TSPEAR: variants seen among roughly 807,000 people sequenced by gnomAD.
The protein encoded by TSPEAR is thrombospondin-type laminin G domain and EAR repeat-containing protein.
Under a neutral mutation model 71.6 loss-of-function variants are expected in TSPEAR, and 69 were observed. The ratio of observed to expected loss-of-function variants is 0.96; its 90% CI spans 0.79 to 1.18. The LOEUF (loss-of-function observed/expected upper bound fraction) is 1.18, where lower values mean the gene tolerates loss of function less well. TSPEAR is among the 50% of genes most tolerant of loss of function. TSPEAR has a pLI of 0.00. For missense variants in TSPEAR, 971 were observed against 894.9 expected (o/e 1.09, Z -1.09); for synonymous variants, 402 against 387.2 (o/e 1.04, Z -0.45).
chr21:44,549,374 GTAA>G (rs2053360230), intron 2 of TSPEAR, among the ~76,000 whole-genome samples: 1 of 152,232 alleles, frequency 6.6e-6, no homozygotes, highest in Non-Finnish European at 1.5e-5. Flanking sequence ...GGTATCGTTT[GTAA>G]TAATGAACAA....
At chr21:44,552,958 C>T (rs1601407288) in intron 2 of TSPEAR, among the ~76,000 whole-genome samples, 1 of 152,184 alleles carries the variant, frequency 6.6e-6, no homozygotes, top group South Asian at 2.1e-4. Context: ...GGGTGAGAGC[C>T]GAAGGGAAGC....
At chr21:44,688,630 A>G (rs968590888) in intron 1 of TSPEAR, among the ~76,000 whole-genome samples, 1 of 151,592 alleles carries the variant, frequency 6.6e-6, no homozygotes, top group Non-Finnish European at 1.5e-5. Flanking sequence ...TGAGGCATGA[A>G]CCCGGGAGGT....
At chr21:44,523,083 C>T (rs587772661) in intron 8 of TSPEAR, among the ~76,000 whole-genome samples, 22 of 142,328 alleles carry the variant, frequency 1.5e-4, no homozygotes, top group Middle Eastern at 3.5e-3. Context: ...GTTAGTCAGT[C>T]AGTCAGCCAG....
Position 44,593,966 on chromosome 21 carries a change from C to T in TSPEAR, c.83-25961G>A, listed in dbSNP as rs942326775. Among the ~76,000 whole-genome samples the T allele has an allele frequency of 9.8e-5, 15 of 152,340 alleles. No individual in the cohort carries two copies. The highest frequency in any genetic ancestry group is 1.5e-4 in the Non-Finnish European group (10 of 68,034). ...CTCCTCCTGATAAGGGACCCCCAAC[C>T]ATGGACTGGCTCCAGCCGGTTTACA... On this transcript the variant is annotated intron_variant, in intron 1 of 11. Transcript: ENST00000323084. This position sits in a 1 kb window ranked among gnomAD's most constrained non-coding sequence, Gnocchi z 5.9.
rs1981707702 is a variant in TSPEAR, at chr21:44,612,016, G to A, written c.83-44011C>T. On this transcript the variant is annotated intron_variant, in intron 1 of 11. Coordinates refer to ENST00000323084, the MANE Select transcript of TSPEAR (RefSeq NM_144991.3). The surrounding 1 kb of genome is among the most constrained non-coding windows in gnomAD (Gnocchi z 4.1). ...GAGACTCCTGTGAGGAAAATACCCA[G>A]GGAGGGTATAAAACCTCAGCAGCCA... 11 of 1,364,428 alleles carry A rather than the reference G, an allele frequency of 8.1e-6. No homozygotes were observed. The Admixed American group carries it at 1.9e-4, about 23-fold the overall frequency. 84.5% of individuals were successfully genotyped at this position (1,364,428 alleles called of 1,614,324 possible). A position where few individuals can be genotyped will look rare whatever the true frequency, so the allele number is the denominator to read the frequency against.
chr21:44,673,542 C>A (rs1986157599), intron 1 of TSPEAR, among the ~76,000 whole-genome samples: 1 of 152,168 alleles, frequency 6.6e-6, no homozygotes, highest in South Asian at 2.1e-4. Flanking sequence ...CACCATTAGA[C>A]ATATCATCCA....
chr21:44,528,694 G>T, intron 5 of TSPEAR, 111 bp from the exon 6 acceptor site: 2 of 1,374,576 alleles, frequency 1.5e-6, no homozygotes, highest in Non-Finnish European at 2.0e-6. Flanking sequence ...TCTGCATGCG[G>T]GCCTGGAAGG....
At chr21:44,621,231 G>T (rs1407540071) in intron 1 of TSPEAR, among the ~76,000 whole-genome samples, 3 of 152,092 alleles carry the variant, frequency 2.0e-5, no homozygotes, top group African/African-American at 4.8e-5. Flanking sequence ...ATTTAGTTCT[G>T]TTATTTTATA....
chr21:44,692,222 A>G (rs1334717602), intron 1 of TSPEAR, among the ~76,000 whole-genome samples: 2 of 152,240 alleles, frequency 1.3e-5, no homozygotes, highest in Admixed American at 6.5e-5. Flanking sequence ...GCTAAACAGC[A>G]TGTATGAAAA....
At chr21:44,514,417 G>A (rs1555913097) in intron 9 of TSPEAR, among the ~76,000 whole-genome samples, 1 of 152,188 alleles carries the variant, frequency 6.6e-6, no homozygotes, top group East Asian at 1.9e-4. Flanking sequence ...GCCATGGGCG[G>A]GACCCTTGGG....
intron 1 of TSPEAR, chr21:44,592,203 G>C (rs1555926844): frequency 1.2e-6 from 2 of 1,604,648 alleles, no homozygotes; most frequent in South Asian, 2.2e-5. Context: ...CCAGCTGGCA[G>C]CTAGACTGCT....
chr21:44,570,869 C>T (rs1360813087), intron 1 of TSPEAR, among the ~76,000 whole-genome samples: 1 of 152,142 alleles, frequency 6.6e-6, no homozygotes, highest in Non-Finnish European at 1.5e-5. Flanking sequence ...TAAACAACAC[C>T]ACGTGTTGTT....
intron 5 of TSPEAR, among the ~76,000 whole-genome samples, chr21:44,528,877 G>A (rs139242130): frequency 6.6e-6 from 1 of 152,386 alleles, no homozygotes; most frequent in East Asian, 1.9e-4. Context: ...CTGCTCCTCT[G>A]AGAGTCCTCA....
rs1293203293 is a variant in TSPEAR, at chr21:44,589,334, G to A, written c.83-21329C>T. ...CACATTTTGCTTGTGTGGATGGGCT[G>A]TGTTTTGCTTTGTCCTCTGATGGAC... is the stretch of plus-strand genomic sequence containing the variant. On this transcript the variant is annotated intron_variant, in intron 1 of 11. Transcript: ENST00000323084. Among the ~76,000 whole-genome samples, 47 of 152,174 alleles carry A rather than the reference G, an allele frequency of 3.1e-4. 1 individual carries two copies. Among genetic ancestry groups the A allele is most frequent in the Non-Finnish European group, 1.5e-5 (1 of 68,038 alleles).
intron 1 of TSPEAR, chr21:44,600,994 T>C (rs1471134276): frequency 6.2e-7 from 1 of 1,612,176 alleles, no homozygotes; most frequent in Non-Finnish European, 8.5e-7. Context: ...GCCTGTGTAC[T>C]GTGTGCCTGT....
At chr21:44,677,821 C>A in intron 1 of TSPEAR, 1 of 1,293,048 alleles carries the variant, frequency 7.7e-7, no homozygotes, top group South Asian at 1.2e-5. Context: ...GAACCAAGAA[C>A]CACCTCGAAG....
rs201136864 is a variant in TSPEAR at position 44,591,902 on chromosome 21, G to C, written c.83-23897C>G. ...GAGCTGGTGCAGCCTGATTGGCAGGGGCTGGGCTCACAGACCGCCTGGCAG... is the reference window on the plus strand; with the variant it reads ...GAGCTGGTGCAGCCTGATTGGCAGGCGCTGGGCTCACAGACCGCCTGGCAG... On this transcript the variant is annotated intron_variant, in intron 1 of 11. Coordinates refer to ENST00000323084, the MANE Select transcript of TSPEAR (RefSeq NM_144991.3). 2.4e-4 allele frequency: 382 copies of C among 1,608,790 alleles called. No homozygotes were observed. The highest frequency in any genetic ancestry group is 6.6e-4 in the Middle Eastern group (4 of 6,044).
chr21:44,583,118 C>A (rs587693771), intron 1 of TSPEAR, among the ~76,000 whole-genome samples: 1 of 152,256 alleles, frequency 6.6e-6, no homozygotes, highest in African/African-American at 2.4e-5. Flanking sequence ...GCAGGCATTA[C>A]AGATGTGAGC....
chr21:44,516,727 G>T (rs146886373), intron 9 of TSPEAR, among the ~76,000 whole-genome samples: 1 of 152,116 alleles, frequency 6.6e-6, no homozygotes, highest in East Asian at 1.9e-4. Flanking sequence ...CATCCCTGGG[G>T]CAGTCCCCCA....
Sources: allele counts gnomAD v4.1 joint callset (sites outside exome capture counted in the v4.1 genomes callset), GRCh38; gene constraint gnomAD v4.1.1; non-coding constraint Gnocchi (gnomAD v3.1); transcripts MANE v1.5; gene names NCBI Gene and HGNC (gene_info 2026-07-23, HGNC 2026-07-21).